Variants in HPSE2 observed in about 807,000 individuals in gnomAD.
HPSE2 encodes heparanase 2 (inactive), also known as inactive heparanase-2.
HPSE2 carries 38 observed loss-of-function variants against 60.5 expected under a neutral mutation model. The ratio of observed to expected loss-of-function variants is 0.63; its 90% CI spans 0.48 to 0.82. HPSE2 has a LOEUF of 0.82. Among genes scored for constraint, HPSE2 ranks in the 40% least tolerant of loss-of-function variants. HPSE2 has a pLI of 0.00. For missense variants in HPSE2, 713 were observed against 740.4 expected (o/e 0.96, Z 0.43); for synonymous variants, 295 against 293.2 (o/e 1.01, Z -0.06).
intron 9 of HPSE2, among the ~76,000 whole-genome samples, chr10:98,588,211 A>C (rs3866908): frequency 6.6e-6 from 1 of 152,176 alleles, no homozygotes; most frequent in African/African-American, 2.4e-5. Context: ...CTGACATAAT[A>C]TTTCACTAGA....
intron 9 of HPSE2, among the ~76,000 whole-genome samples, chr10:98,542,587 T>G (rs1943509590): frequency 6.6e-6 from 1 of 151,740 alleles, no homozygotes; most frequent in South Asian, 2.1e-4. Flanking sequence ...TGAAAAAAAT[T>G]TAGAAGAATA....
intron 3 of HPSE2, among the ~76,000 whole-genome samples, chr10:98,900,042 A>G (rs1953621287): frequency 6.6e-6 from 1 of 152,088 alleles, no homozygotes; most frequent in African/African-American, 2.4e-5. Flanking sequence ...AAAGTTAAAC[A>G]TACACTTGCC....
chr10:98,869,614 T>C (rs1022527308), intron 3 of HPSE2, among the ~76,000 whole-genome samples: 5 of 152,146 alleles, frequency 3.3e-5, no homozygotes, highest in East Asian at 3.8e-4. Flanking sequence ...TGGCTCCAGA[T>C]TGCCTTCTGA....
intron 9 of HPSE2, among the ~76,000 whole-genome samples, chr10:98,591,607 A>AGCTG (rs1945093203): frequency 6.6e-6 from 1 of 152,190 alleles, no homozygotes; most frequent in Non-Finnish European, 1.5e-5. Context: ...GGTTGTAGTC[A>AGCTG]GCTGAGATCA....
intron 2 of HPSE2, among the ~76,000 whole-genome samples, chr10:99,159,617 G>C (rs1022546483): frequency 2.0e-5 from 3 of 151,986 alleles, no homozygotes; most frequent in Admixed American, 1.3e-4. Context: ...ATTTTTTAAA[G>C]AATTTAGACC....
At chr10:98,829,444 C>G in intron 3 of HPSE2, among the ~76,000 whole-genome samples, 1 of 151,834 alleles carries the variant, frequency 6.6e-6, no homozygotes, top group Non-Finnish European at 1.5e-5. Context: ...CTGCTTGAAC[C>G]CAGGAGGTGG....
the HPSE2 span, among the ~76,000 whole-genome samples, chr10:99,297,105 C>T: frequency 2.0e-5 from 3 of 152,326 alleles, no homozygotes; most frequent in South Asian, 4.1e-4. Context: ...GTTCCACTAC[C>T]TCGTGTAGGG....
At chr10:98,478,908 G>A (rs73335743) in intron 11 of HPSE2, among the ~76,000 whole-genome samples, 2,006 of 152,184 alleles carry the variant, frequency 0.013, 43 homozygotes, top group African/African-American at 0.045. Context: ...TAAGGAGTTG[G>A]GACTGGAGTA....
chr10:98,936,976 C>A (rs1303216310), intron 3 of HPSE2, among the ~76,000 whole-genome samples: 3 of 56,724 alleles, frequency 5.3e-5, no homozygotes, highest in African/African-American at 3.9e-4. Context: ...GAGACTCCAT[C>A]TCAAAAAAAA....
At chr10:99,291,085 C>G in the HPSE2 span, among the ~76,000 whole-genome samples, 1 of 152,254 alleles carries the variant, frequency 6.6e-6, no homozygotes, top group Non-Finnish European at 1.5e-5. Context: ...TATGAGTATT[C>G]TGTCCCCAGA....
intron 3 of HPSE2, among the ~76,000 whole-genome samples, chr10:98,919,389 A>G (rs575501268): frequency 2.0e-5 from 3 of 152,238 alleles, no homozygotes; most frequent in Non-Finnish European, 4.4e-5. Context: ...TTTTCCTTCT[A>G]AATGCTAGTA....
chr10:98,462,891 C>T (rs1412155773), intron 11 of HPSE2, among the ~76,000 whole-genome samples: 1 of 152,052 alleles, frequency 6.6e-6, no homozygotes, highest in African/African-American at 2.4e-5. Context: ...ACTTGGCTGT[C>T]CACAGGAATT....
At chr10:98,775,571 G>A (rs1404364083) in intron 3 of HPSE2, among the ~76,000 whole-genome samples, 1 of 152,166 alleles carries the variant, frequency 6.6e-6, no homozygotes, top group Non-Finnish European at 1.5e-5. Flanking sequence ...GAAAAACTGT[G>A]CAACAACTAT....
intron 9 of HPSE2, among the ~76,000 whole-genome samples, chr10:98,545,033 C>T (rs994157231): frequency 2.0e-5 from 3 of 152,124 alleles, no homozygotes; most frequent in African/African-American, 7.2e-5. Context: ...CACCTCTACG[C>T]AAATAAACTA....
the HPSE2 span, among the ~76,000 whole-genome samples, chr10:99,259,431 A>C: frequency 6.6e-6 from 1 of 152,324 alleles, no homozygotes; most frequent in South Asian, 2.1e-4. Context: ...GAACATTCCA[A>C]AAGTAATAAG....
At chr10:98,842,823 C>T (rs1951948360) in intron 3 of HPSE2, among the ~76,000 whole-genome samples, 1 of 152,142 alleles carries the variant, frequency 6.6e-6, no homozygotes, top group African/African-American at 2.4e-5. Context: ...AATATTTCCT[C>T]TTCCCTAAAA....
intron 6 of HPSE2, among the ~76,000 whole-genome samples, chr10:98,658,520 A>G (rs1035272955): frequency 6.6e-6 from 1 of 152,028 alleles, no homozygotes; most frequent in Admixed American, 6.6e-5. Context: ...ATTTATCACT[A>G]TCATTGATTG....
chr10:99,094,959 G>A (rs1193483561), intron 3 of HPSE2, among the ~76,000 whole-genome samples: 2 of 152,052 alleles, frequency 1.3e-5, no homozygotes, highest in Admixed American at 1.3e-4. Flanking sequence ...AGGCCAAGGT[G>A]GGAGGATCGC....
At chr10:98,684,056 C>T (rs542433312) in intron 6 of HPSE2, among the ~76,000 whole-genome samples, 96 of 152,288 alleles carry the variant, frequency 6.3e-4, no homozygotes, top group African/African-American at 2.3e-3. Flanking sequence ...TCAAACTCTA[C>T]TACAGGGTCT....
Sources: allele counts gnomAD v4.1 joint callset (sites outside exome capture counted in the v4.1 genomes callset), GRCh38; gene constraint gnomAD v4.1.1; transcripts MANE v1.5; gene names NCBI Gene and HGNC (gene_info 2026-07-23, HGNC 2026-07-21).